ERLIN2: variants seen among roughly 807,000 people sequenced by gnomAD.
ERLIN2 encodes erlin-2.
ERLIN2 carries 22 observed loss-of-function variants against 41.5 expected under a neutral mutation model. That is an observed-to-expected ratio of 0.53 (90% CI 0.38 to 0.76). The LOEUF is 0.76. ERLIN2 is among the 30% of genes least tolerant of loss of function. The pLI is 0.00. For missense variants in ERLIN2, 247 were observed against 414.3 expected (o/e 0.60, Z 3.51); for synonymous variants, 149 against 150.9 (o/e 0.99, Z 0.09).
chr8:37,737,519 T>G (rs2129640106), intron 1 of ERLIN2: 1 of 257,098 alleles, frequency 3.9e-6, no homozygotes, highest in African/African-American at 2.2e-5. Flanking sequence ...TCATTTGGCA[T>G]CCTCTGTAAT....
At chr8:37,744,951 CAATCAGAGGCT>C in intron 6 of ERLIN2, 1 of 625,308 alleles carries the variant, frequency 1.6e-6, no homozygotes, top group African/African-American at 1.8e-5. Context: ...CTTCTGGCCT[CAATCAGAGGCT>C]GGAGTGGAAA....
intron 9 of ERLIN2, 64 bp from the exon 10 acceptor site, chr8:37,751,562 T>G: frequency 7.1e-7 from 1 of 1,412,770 alleles, no homozygotes; most frequent in Non-Finnish European, 1.0e-6. Flanking sequence ...TCAGCTCGGG[T>G]GAAAGGTGAA....
chr8:37,744,481 T>G (rs1802967974), intron 5 of ERLIN2, 65 bp downstream of exon 5: 2 of 1,607,688 alleles, frequency 1.2e-6, no homozygotes, highest in East Asian at 4.5e-5. Context: ...CCCGTGTCTG[T>G]TGTAGCACCT....
intron 5 of ERLIN2, 40 bp downstream of exon 5, chr8:37,744,456 C>G (rs1306082391): frequency 6.2e-7 from 1 of 1,608,584 alleles, no homozygotes; most frequent in Admixed American, 1.7e-5. Context: ...AGCTCACTTT[C>G]CCCAGCATGC....
chr8:37,751,575 T>G, intron 9 of ERLIN2, 51 bp from the exon 10 acceptor site: 1 of 1,501,456 alleles, frequency 6.7e-7, no homozygotes, highest in Non-Finnish European at 9.3e-7. Flanking sequence ...AAGGTGAAAT[T>G]AGTCAAACTC....
chr8:37,749,807 CAA>C lies in ERLIN2; in HGVS notation c.514_515del (p.Lys172AlafsTer17), dbSNP rs1280108592. ...ATCTCTCTCCAGGCTGTGCGGGTAA[CAA>C]AGCCCAACATACCAGAGGCAATCCG... On this transcript the variant is annotated frameshift_variant, in exon 8 of 12. Coordinates refer to ENST00000519638, the MANE Select transcript of ERLIN2 (RefSeq NM_007175.8). LOFTEE classifies it high-confidence loss of function. The C allele has an allele frequency of 6.2e-7, 1 of 1,614,200 alleles. No homozygotes were observed. Among genetic ancestry groups the C allele is most frequent in the South Asian group, 1.1e-5 (1 of 91,082 alleles).
intron 2 of ERLIN2, 144 bp downstream of exon 2, chr8:37,738,173 C>A (rs1325242439): frequency 2.3e-6 from 2 of 856,486 alleles, no homozygotes; most frequent in Non-Finnish European, 3.9e-6. Context: ...CTTTTTATGT[C>A]AGTAACCACG....
rs1405692217 is a variant in ERLIN2 at position 37,749,580 on chromosome 8, A to G, written c.446A>G (p.Lys149Arg). The change falls in exon 7 of 12, where the codon AAA becomes AGA. Residue 149 changes from lysine to arginine, a missense_variant. Physicochemically the swap from Lys to Arg is conservative, Grantham distance 26. Around this residue, in one of 3 missense-constraint regions of ERLIN2, gnomAD observed 153 missense variants for 256.4 expected, o/e 0.60. Coordinates refer to ENST00000519638, the MANE Select transcript of ERLIN2 (RefSeq NM_007175.8). Reference sequence around the variant, plus strand: ...CCAGATCAGATTGATGAAAATCTCAAACTGGCTTTGCAACAGGACCTGACC... The same window carrying G: ...CCAGATCAGATTGATGAAAATCTCAGACTGGCTTTGCAACAGGACCTGACC... ...ELFDQIDENL[K>R]LALQQDLTSM... The G allele has an allele frequency of 6.2e-7, 1 of 1,613,652 alleles. No homozygotes were observed. The highest frequency in any genetic ancestry group is 1.7e-5 in the Admixed American group (1 of 60,022).
At chr8:37,742,872 C>G (rs1447038244) in intron 4 of ERLIN2, among the ~76,000 whole-genome samples, 2 of 152,080 alleles carry the variant, frequency 1.3e-5, no homozygotes, top group African/African-American at 4.8e-5. Context: ...TGAGGATGCA[C>G]AAAGGTTTTT....
At chr8:37,745,481 GT>G in intron 6 of ERLIN2, 1 of 1,315,678 alleles carries the variant, frequency 7.6e-7, no homozygotes, top group South Asian at 1.2e-5. Flanking sequence ...CAAGTATTCT[GT>G]TTAAACTCAC....
intron 6 of ERLIN2, 22 bp downstream of exon 6, chr8:37,744,718 A>G: frequency 6.2e-7 from 1 of 1,614,162 alleles, no homozygotes; most frequent in East Asian, 2.2e-5. Flanking sequence ...TCTCCTGAGC[A>G]TGCCGTGCTT....
chr8:37,747,018 C>T (rs922409896), intron 6 of ERLIN2, among the ~76,000 whole-genome samples: 37 of 152,170 alleles, frequency 2.4e-4, no homozygotes, highest in Non-Finnish European at 5.1e-4. Context: ...ATAAAACCAG[C>T]CACTTTAGAG....
In ERLIN2 at chr8:37,755,240, G is replaced by T. The variant is rs891038761; in HGVS notation, c.*1125G>T. On this transcript the variant is annotated 3_prime_UTR_variant, in exon 12 of 12. Coordinates refer to ENST00000519638, the MANE Select transcript of ERLIN2 (RefSeq NM_007175.8). ...CAGTCTCCAGAGACAGCTGTGTGGA[G>T]CAAATCAGAGTTCATGCCCAAGTCC... 6 of 152,248 alleles carry T rather than the reference G, an allele frequency of 3.9e-5. No homozygotes were observed. The highest frequency in any genetic ancestry group is 7.2e-5 in the African/African-American group (3 of 41,456). 9.4% of individuals were successfully genotyped at this position (152,248 alleles called of 1,614,324 possible).
chr8:37,749,782 A>C lies in ERLIN2; in HGVS notation c.499-12A>C, dbSNP rs369392352. 4.3e-6 allele frequency: 7 copies of C among 1,613,718 alleles called. No homozygotes were observed. The African/African-American group carries it at 9.4e-5, about 22-fold the overall frequency. On this transcript the variant is annotated splice_polypyrimidine_tract_variant and intron_variant, in intron 7 of 11. Coordinates refer to ENST00000519638, the MANE Select transcript of ERLIN2 (RefSeq NM_007175.8). ...CACTTTCCCATCAGCTGCTGTTTTA[A>C]TCTCTCTCCAGGCTGTGCGGGTAAC...
rs1224062848 is a variant in ERLIN2 at position 37,758,334 on chromosome 8, T to C, written c.*4219T>C. 6.6e-6 allele frequency: 1 copy of C among 152,234 alleles called. No homozygotes were observed. The highest frequency in any genetic ancestry group is 1.5e-5 in the Non-Finnish European group (1 of 68,048). The allele number at this position is 152,234 out of a possible 1,614,324, so 9.4% of individuals were successfully genotyped here. ...AAGTTCAAATCACTGCTCTACTACT[T>C]CTTAGGTGTGTGGTCTTGAATAAGT... On this transcript the variant is annotated 3_prime_UTR_variant, in exon 12 of 12. Coordinates refer to ENST00000519638, the MANE Select transcript of ERLIN2 (RefSeq NM_007175.8).
chr8:37,747,550 C>G (rs1022080535), intron 6 of ERLIN2: 1 of 1,612,276 alleles, frequency 6.2e-7, no homozygotes, highest in Admixed American at 1.7e-5. Flanking sequence ...ACTGAACTTG[C>G]CCATGTCTTT....
intron 8 of ERLIN2, 127 bp from the exon 9 acceptor site, chr8:37,750,268 G>T: frequency 1.3e-6 from 1 of 749,546 alleles, no homozygotes; most frequent in Non-Finnish European, 2.3e-6. Context: ...CTGGGCCATC[G>T]AACAGCCTTC....
chr8:37,741,871 G>A lies in ERLIN2; in HGVS notation c.236+53G>A, dbSNP rs370037636. The A allele has an allele frequency of 4.2e-5, 59 of 1,416,970 alleles. No individual in the cohort carries two copies. In the African/African-American group the frequency reaches 7.3e-4, roughly 18 times the overall value. The allele number at this position is 1,416,970 out of a possible 1,614,324, so 87.8% of individuals were successfully genotyped here. On this transcript the variant is annotated intron_variant, in intron 4 of 11. Coordinates refer to ENST00000519638, the MANE Select transcript of ERLIN2 (RefSeq NM_007175.8). The surrounding 1 kb of genome is among the most constrained non-coding windows in gnomAD (Gnocchi z 4.8). ...GCCCAAATAAGTCAGAGAAAAGGCT[G>A]TCTGGCTGGTTGCAGGAAGAGACAG...
In ERLIN2 at chr8:37,750,489, C is replaced by T. The variant is rs1165328091; in HGVS notation, c.649+3C>T. 5.0e-6 allele frequency: 8 copies of T among 1,610,274 alleles called. No homozygotes were observed. Among genetic ancestry groups the T allele is most frequent in the Non-Finnish European group, 6.8e-6 (8 of 1,177,546 alleles). ...AGAGCGGAAGAAGGCGCTCATTGGT[C>T]TGAATGTGGTTCTGTGATCCCCCTT... is the stretch of plus-strand genomic sequence containing the variant. On this transcript the variant is annotated splice_donor_region_variant and intron_variant, in intron 9 of 11. Transcript: ENST00000519638.
Sources: gnomAD v4.1 joint callset for allele counts (sites outside exome capture counted in the v4.1 genomes callset) on GRCh38, gnomAD v4.1.1 for gene constraint, gnomAD v4.1.1 regional missense constraint, Gnocchi (gnomAD v3.1) non-coding constraint, MANE v1.5 for transcripts, NCBI Gene and HGNC (gene_info 2026-07-23, HGNC 2026-07-21) for gene names.